Variants in MGAT4C observed in about 807,000 individuals in gnomAD.
The protein encoded by MGAT4C is alpha-1,3-mannosyl-glycoprotein 4-beta-N-acetylglucosaminyltransferase C.
A neutral mutation model predicts 40.1 loss-of-function variants in MGAT4C; 19 were observed. That is an observed-to-expected ratio of 0.47 (90% CI 0.33 to 0.70). The LOEUF (loss-of-function observed/expected upper bound fraction) is 0.70. MGAT4C is among the 30% of genes least tolerant of loss of function. The pLI, the probability that MGAT4C is intolerant of heterozygous loss-of-function variation, is 0.02. For synonymous variants in MGAT4C, 181 were observed against 187.1 expected, an observed-to-expected ratio of 0.97 and a Z score of 0.27; for missense variants, 491 against 563.2, an observed-to-expected ratio of 0.87 and a Z score of 1.30.
At chr12:86,079,145 C>T (rs1409047547) in intron 1 of MGAT4C, among the ~76,000 whole-genome samples, 1 of 152,044 alleles carries the variant, frequency 6.6e-6, no homozygotes, top group Non-Finnish European at 1.5e-5. Context: ...GTGGTGGCAG[C>T]AGGTGGAATG....
At chr12:86,064,386 A>G (rs1041872830) in intron 1 of MGAT4C, among the ~76,000 whole-genome samples, 1 of 152,224 alleles carries the variant, frequency 6.6e-6, no homozygotes, top group African/African-American at 2.4e-5. Flanking sequence ...TCTCAAAAAA[A>G]AGAAATAAAA....
At chr12:86,178,188 G>T (rs888737006) in intron 1 of MGAT4C, among the ~76,000 whole-genome samples, 20 of 152,088 alleles carry the variant, frequency 1.3e-4, no homozygotes, top group Non-Finnish European at 2.8e-4. Flanking sequence ...CGCCCGCCTT[G>T]GCCTCCCAAA....
At chr12:86,523,339 C>T in intron 2 of MGAT4C, among the ~76,000 whole-genome samples, 1 of 152,060 alleles carries the variant, frequency 6.6e-6, no homozygotes, top group East Asian at 1.9e-4. Flanking sequence ...GCCTTAATTT[C>T]ATTATGTTCC....
intron 2 of MGAT4C, among the ~76,000 whole-genome samples, chr12:86,624,447 G>C (rs1289268480): frequency 2.0e-4 from 30 of 152,176 alleles, no homozygotes; most frequent in Admixed American, 2.0e-3. Context: ...ACCCTTAACA[G>C]AGAATGAGAG....
chr12:86,528,395 A>G (rs1565827737), intron 2 of MGAT4C, among the ~76,000 whole-genome samples: 1 of 152,080 alleles, frequency 6.6e-6, no homozygotes, highest in Admixed American at 6.6e-5. Flanking sequence ...AAATCCTCAT[A>G]TAAGTTATAT....
intron 2 of MGAT4C, among the ~76,000 whole-genome samples, chr12:86,719,814 C>A (rs533850353): frequency 6.6e-6 from 1 of 152,234 alleles, no homozygotes; most frequent in Admixed American, 6.5e-5. Context: ...ATGTGCAATT[C>A]TTTCTATTAG....
intron 1 of MGAT4C, among the ~76,000 whole-genome samples, chr12:86,207,110 T>A (rs76615585): frequency 1.6e-5 from 1 of 61,812 alleles, no homozygotes; most frequent in Non-Finnish European, 4.3e-5. Flanking sequence ...CCCTTTTTTT[T>A]CTTTTTTTTT....
intron 4 of MGAT4C, among the ~76,000 whole-genome samples, chr12:86,320,927 C>T (rs1954369622): frequency 6.6e-6 from 1 of 151,966 alleles, no homozygotes; most frequent in Non-Finnish European, 1.5e-5. Context: ...TCAAAATCTA[C>T]CAACTATATA....
intron 2 of MGAT4C, among the ~76,000 whole-genome samples, chr12:86,043,089 C>T (rs898125266): frequency 2.0e-5 from 3 of 152,038 alleles, no homozygotes; most frequent in Non-Finnish European, 4.4e-5. Context: ...CACAAGGGTT[C>T]TCTGCATTTT....
At position 85,976,574 on chromosome 12, in the gene MGAT4C, T is replaced by C. The variant is rs1215806895; in HGVS notation, c.*2715A>G. ...TTGAAACCTGTCAGCATTTTATTTG[T>C]ATGGCAATTAAATGACTCAGCCATT... On this transcript the variant is annotated 3_prime_UTR_variant, in exon 5 of 5. Transcript: ENST00000611864. 6.7e-6 allele frequency: 1 copy of C among 149,206 alleles called. No individual in the cohort carries two copies. The highest frequency in any genetic ancestry group is 1.5e-5 in the Non-Finnish European group (1 of 66,884). 9.2% of individuals were successfully genotyped at this position (149,206 alleles called of 1,614,324 possible).
chr12:86,137,323 C>T (rs1291229678), intron 1 of MGAT4C, among the ~76,000 whole-genome samples: 1 of 152,138 alleles, frequency 6.6e-6, no homozygotes, highest in Non-Finnish European at 1.5e-5. Context: ...TACCCTCATC[C>T]TTTATCATTG....
chr12:86,334,464 T>C (rs1954741187), intron 3 of MGAT4C, among the ~76,000 whole-genome samples: 1 of 152,042 alleles, frequency 6.6e-6, no homozygotes, highest in Non-Finnish European at 1.5e-5. Flanking sequence ...GAAAAAGAAA[T>C]AAGCCATGTA....
Position 86,302,067 on chromosome 12 carries a change from C to T in MGAT4C, c.-57+31998G>A, listed in dbSNP as rs956110273. On this transcript the variant is annotated intron_variant, in intron 4 of 7. Transcript: ENST00000548651. ...TAGAATAAATCTATTTTTAAATAAACTTTTTTTAAATCTTAGCCCCAAAGT... is the reference window on the plus strand; with the variant it reads ...TAGAATAAATCTATTTTTAAATAAATTTTTTTTAAATCTTAGCCCCAAAGT... Among the ~76,000 whole-genome samples, 20 of 150,828 alleles carry T rather than the reference C, an allele frequency of 1.3e-4. 1 individual carries two copies. Among genetic ancestry groups the T allele is most frequent in the Non-Finnish European group, 2.2e-4 (15 of 68,004 alleles).
chr12:86,579,390 T>A (rs989796507), intron 2 of MGAT4C, among the ~76,000 whole-genome samples: 4 of 151,606 alleles, frequency 2.6e-5, no homozygotes, highest in Non-Finnish European at 1.5e-5. Flanking sequence ...TTTAACCTGA[T>A]ATAAATACTA....
chr12:86,618,927 T>A (rs1962549946), intron 2 of MGAT4C, among the ~76,000 whole-genome samples: 1 of 151,950 alleles, frequency 6.6e-6, no homozygotes, highest in African/African-American at 2.4e-5. Flanking sequence ...AAATATCACA[T>A]GTACCACATA....
At chr12:86,074,371 T>TAGAC (rs1411465072) in intron 1 of MGAT4C, among the ~76,000 whole-genome samples, 6 of 151,180 alleles carry the variant, frequency 4.0e-5, no homozygotes, top group African/African-American at 2.5e-5. Flanking sequence ...GATAGATAGA[T>TAGAC]AGATATTCCA....
chr12:86,394,235 C>T (rs1443291587), intron 3 of MGAT4C, among the ~76,000 whole-genome samples: 2 of 152,000 alleles, frequency 1.3e-5, no homozygotes, highest in Non-Finnish European at 2.9e-5. Context: ...ATGGGCTAAA[C>T]GCTGTCCATC....
intron 3 of MGAT4C, among the ~76,000 whole-genome samples, chr12:86,414,399 T>C (rs996351839): frequency 6.6e-6 from 1 of 152,154 alleles, no homozygotes; most frequent in Non-Finnish European, 1.5e-5. Flanking sequence ...ATATTATGTG[T>C]GATCAGCAAA....
intron 1 of MGAT4C, among the ~76,000 whole-genome samples, chr12:86,212,470 T>C (rs1392382799): frequency 1.3e-5 from 2 of 152,180 alleles, no homozygotes; most frequent in Non-Finnish European, 2.9e-5. Flanking sequence ...GCAGAAATTT[T>C]AATAATTGTT....
Sources: gnomAD v4.1 joint callset for allele counts (sites outside exome capture counted in the v4.1 genomes callset) on GRCh38, gnomAD v4.1.1 for gene constraint, MANE v1.5 for transcripts, NCBI Gene and HGNC (gene_info 2026-07-23, HGNC 2026-07-21) for gene names.